PLXDC2: variants seen among roughly 807,000 people sequenced by gnomAD.
The protein encoded by PLXDC2 is plexin domain containing 2.
PLXDC2 carries 40 observed loss-of-function variants against 68.9 expected under a neutral mutation model. The observed-to-expected ratio is 0.58, with a 90% CI of 0.45 to 0.76. The LOEUF (loss-of-function observed/expected upper bound fraction) is 0.76. Ranked by LOEUF, PLXDC2 falls within the 30% of genes least tolerant of loss-of-function variation. The pLI is 0.00. For synonymous variants in PLXDC2, 243 were observed against 234.2 expected, an observed-to-expected ratio of 1.04 and a Z score of -0.34; for missense variants, 644 against 661.9, an observed-to-expected ratio of 0.97 and a Z score of 0.30.
At chr10:20,141,298 C>G (rs1233395558) in intron 4 of PLXDC2, among the ~76,000 whole-genome samples, 1 of 152,028 alleles carries the variant, frequency 6.6e-6, no homozygotes, top group South Asian at 2.1e-4. Context: ...TACTTAAATA[C>G]TAACAGTAAG....
Position 20,217,475 on chromosome 10 carries a change from G to C in PLXDC2, c.1172G>C (p.Arg391Pro). Residue 391 changes from arginine to proline, a missense_variant, in exon 11 of 14, where the codon CGA (arginine) becomes CCA (proline). Transcript: ENST00000377252. ...ACAGAACCAGTGGAAACTTCTTCTC[G>C]AACCACCACAACCGTAGGAGCGACA... Reference protein sequence around the residue: ...ENTEPVETSSRTTTTVGATTT... With the variant: ...ENTEPVETSSPTTTTVGATTT... 1 of 1,611,924 alleles carries C rather than the reference G, an allele frequency of 6.2e-7. No individual in the cohort carries two copies. Among genetic ancestry groups the C allele is most frequent in the African/African-American group, 1.3e-5 (1 of 74,764 alleles).
intron 1 of PLXDC2, among the ~76,000 whole-genome samples, chr10:19,907,756 C>T (rs1428748282): frequency 1.3e-5 from 2 of 152,158 alleles, no homozygotes; most frequent in Non-Finnish European, 2.9e-5. Flanking sequence ...GGAAACCTGT[C>T]TATTTCCTCG....
At chr10:19,934,876 A>T (rs1044947877) in intron 1 of PLXDC2, among the ~76,000 whole-genome samples, 9 of 150,226 alleles carry the variant, frequency 6.0e-5, no homozygotes, top group African/African-American at 2.3e-4. Flanking sequence ...GGTGAAACAG[A>T]CCCTTTCACT....
intron 9 of PLXDC2, among the ~76,000 whole-genome samples, chr10:20,193,191 G>C (rs971507033): frequency 6.6e-6 from 1 of 152,012 alleles, no homozygotes; most frequent in Non-Finnish European, 1.5e-5. Flanking sequence ...CTCCATAATG[G>C]AATTCTTGTG....
At chr10:19,948,907 A>T (rs1833949210) in intron 1 of PLXDC2, among the ~76,000 whole-genome samples, 2 of 152,014 alleles carry the variant, frequency 1.3e-5, no homozygotes, top group Admixed American at 1.3e-4. Context: ...CACTTTGGGC[A>T]AATCACGAGG....
Position 20,245,469 on chromosome 10 carries a change from C to A in PLXDC2, c.1437C>A (p.His479Gln). The change falls in exon 13 of 14, where the codon CAC (histidine) becomes CAA (glutamine). Residue 479 changes from histidine to glutamine, a missense_variant. By Grantham distance (24) the His-to-Gln change is conservative. Transcript: ENST00000377252. ...TAILVTVYMY[H>Q]HPTSAASIFF... is the part of the protein sequence containing the mutation. ...TTCTTGTGACAGTCTATATGTATCA[C>A]CACCCAACATCAGCAGCCAGCATCT... 6.2e-7 allele frequency: 1 copy of A among 1,612,684 alleles called. No individual in the cohort carries two copies. Among genetic ancestry groups the A allele is most frequent in the Non-Finnish European group, 8.5e-7 (1 of 1,179,752 alleles).
At chr10:20,081,422 AAAAC>A (rs1331538184) in intron 4 of PLXDC2, among the ~76,000 whole-genome samples, 3 of 152,200 alleles carry the variant, frequency 2.0e-5, no homozygotes, top group African/African-American at 7.2e-5. Flanking sequence ...AAAAATGAAA[AAAAC>A]AAAAACAAAA....
intron 9 of PLXDC2, among the ~76,000 whole-genome samples, chr10:20,190,565 G>T (rs1419014867): frequency 2.0e-5 from 3 of 149,976 alleles, no homozygotes; most frequent in African/African-American, 7.4e-5. Context: ...CCTGCACGTT[G>T]TGCACATGTA....
intron 7 of PLXDC2, among the ~76,000 whole-genome samples, chr10:20,171,531 C>T (rs1393103982): frequency 6.6e-6 from 1 of 152,026 alleles, no homozygotes; most frequent in Non-Finnish European, 1.5e-5. Flanking sequence ...GAGCATTGTA[C>T]AAAATGATAT....
At chr10:20,275,242 A>T (rs114134598) in intron 13 of PLXDC2, among the ~76,000 whole-genome samples, 2,212 of 151,864 alleles carry the variant, frequency 0.015, 50 homozygotes, top group African/African-American at 0.049. Flanking sequence ...GTTAGAAGAG[A>T]CCTTAGAAAA....
intron 2 of PLXDC2, among the ~76,000 whole-genome samples, chr10:20,008,192 G>A (rs1338943793): frequency 1.3e-5 from 2 of 152,152 alleles, no homozygotes; most frequent in Non-Finnish European, 2.9e-5. Flanking sequence ...GGCTCTAATA[G>A]CTGATTGCAG....
intron 1 of PLXDC2, among the ~76,000 whole-genome samples, chr10:19,848,193 G>T (rs892666624): frequency 3.3e-5 from 5 of 152,098 alleles, no homozygotes; most frequent in African/African-American, 1.2e-4. Context: ...TTCAGTGCAA[G>T]CCATTTCACC....
At chr10:20,052,099 C>G (rs1208919956) in intron 3 of PLXDC2, among the ~76,000 whole-genome samples, 1 of 151,762 alleles carries the variant, frequency 6.6e-6, no homozygotes, top group Non-Finnish European at 1.5e-5. Context: ...TTTATAACAA[C>G]CAGATTGGTA....
chr10:20,254,635 T>A (rs1835719526), intron 13 of PLXDC2, among the ~76,000 whole-genome samples: 1 of 152,184 alleles, frequency 6.6e-6, no homozygotes, highest in African/African-American at 2.4e-5. Context: ...TATGGCCTGC[T>A]GCAAGGAAAG....
intron 2 of PLXDC2, among the ~76,000 whole-genome samples, chr10:20,045,230 G>A (rs1025399941): frequency 6.6e-6 from 1 of 152,108 alleles, no homozygotes; most frequent in Admixed American, 6.6e-5. Context: ...GGAGTGCAGT[G>A]GTACGATCTT....
intron 7 of PLXDC2, 127 bp downstream of exon 7, chr10:20,164,694 T>C: frequency 1.4e-6 from 1 of 732,524 alleles, no homozygotes; most frequent in Non-Finnish European, 2.4e-6. Flanking sequence ...TTAATGCTTG[T>C]TAATTCTGTT....
intron 1 of PLXDC2, among the ~76,000 whole-genome samples, chr10:19,916,596 A>G (rs1339410011): frequency 6.6e-6 from 1 of 152,162 alleles, no homozygotes; most frequent in Non-Finnish European, 1.5e-5. Flanking sequence ...ATATAAAACA[A>G]TTGTCACACT....
At chr10:20,217,389 T>A in intron 10 of PLXDC2, 37 bp from the exon 11 acceptor site, 1 of 1,552,140 alleles carries the variant, frequency 6.4e-7, no homozygotes, top group Non-Finnish European at 8.8e-7. Flanking sequence ...AGATTTGTGA[T>A]CACTCCATTT....
At chr10:20,025,752 T>G (rs1589593101) in intron 2 of PLXDC2, among the ~76,000 whole-genome samples, 1 of 152,286 alleles carries the variant, frequency 6.6e-6, no homozygotes, top group East Asian at 1.9e-4. Context: ...TGTTTTTTAC[T>G]TATTCAACAG....
Sources: allele counts gnomAD v4.1 joint callset (sites outside exome capture counted in the v4.1 genomes callset), GRCh38; gene constraint gnomAD v4.1.1; transcripts MANE v1.5; gene names NCBI Gene and HGNC (gene_info 2026-07-23, HGNC 2026-07-21).